The following RADIL variants were observed in gnomAD, a reference collection of about 807,000 sequenced individuals.
RADIL encodes Rap associating with DIL domain.
A neutral mutation model predicts 97.6 loss-of-function variants in RADIL; 99 were observed. That is an observed-to-expected ratio of 1.01 (90% CI 0.86 to 1.20). The LOEUF is 1.20. Ranked by LOEUF, RADIL falls within the 50% of genes most tolerant of loss-of-function variation. RADIL has a pLI of 0.00. For synonymous variants in RADIL, 803 were observed against 691.8 expected, an observed-to-expected ratio of 1.16 and a Z score of -2.52; for missense variants, 1,765 against 1,498.9, an observed-to-expected ratio of 1.18 and a Z score of -2.93.
chr7:4,826,162 T>C (rs1782970287), intron 5 of RADIL, among the ~76,000 whole-genome samples: 1 of 151,892 alleles, frequency 6.6e-6, no homozygotes, highest in Admixed American at 6.6e-5. Context: ...GAGCTCTGAC[T>C]GTACCACTGC....
chr7:4,865,186 A>G (rs1012586630), intron 2 of RADIL, among the ~76,000 whole-genome samples: 33 of 152,188 alleles, frequency 2.2e-4, no homozygotes, highest in African/African-American at 8.0e-4. Context: ...ACCTCTTGAG[A>G]GTGAATTTCC....
At chr7:4,836,627 G>C (rs947744989) in intron 2 of RADIL, 22 bp from the exon 3 acceptor site, 1 of 1,604,080 alleles carries the variant, frequency 6.2e-7, no homozygotes, top group African/African-American at 1.3e-5. Context: ...GCAACACAAG[G>C]TGAACAGTTA....
Position 4,878,103 on chromosome 7 carries a change from T to C in RADIL, c.37A>G (p.Thr13Ala). ...CTCTGCCGCTTCAGTTTGCTCTTGG[T>C]GGGCGGGGACATGATGAAGTGCGTC... Reference protein sequence around the residue: ...YGTHFIMSPPTKSKLKRQSQL... With the variant: ...YGTHFIMSPPAKSKLKRQSQL... The change falls in exon 2 of 15, where the codon ACC becomes GCC. Residue 13 changes from threonine to alanine, a missense_variant. By Grantham distance (58) the Thr-to-Ala change is moderately conservative. Transcript: ENST00000399583. The surrounding 1 kb of genome is among the most constrained non-coding windows in gnomAD (Gnocchi z 4.1). The C allele has an allele frequency of 6.3e-7, 1 of 1,584,666 alleles. No homozygotes were observed. Among genetic ancestry groups the C allele is most frequent in the Non-Finnish European group, 8.6e-7 (1 of 1,166,630 alleles).
At position 4,814,533 on chromosome 7, in the gene RADIL, G is replaced by C. The variant is rs143870564; in HGVS notation, c.2139+745C>G. 6.6e-6 allele frequency among the ~76,000 whole-genome samples: 1 copy of C among 152,070 alleles called. No homozygotes were observed. Among genetic ancestry groups the C allele is most frequent in the Non-Finnish European group, 1.5e-5 (1 of 68,000 alleles). The stretch of plus-strand genomic sequence containing the variant: ...TTAATTACCTGTGATGACTGTGTTG[G>C]GAAGGGGGGTGGTGAGTGGCTGACT... On this transcript the variant is annotated intron_variant, in intron 9 of 14. Coordinates refer to ENST00000399583, the MANE Select transcript of RADIL (RefSeq NM_018059.5). This position sits in a 1 kb window ranked among gnomAD's most constrained non-coding sequence, Gnocchi z 4.5.
Position 4,819,740 on chromosome 7 carries a change from C to T in RADIL, c.1616-2389G>A, listed in dbSNP as rs1467893002. 2.0e-5 allele frequency among the ~76,000 whole-genome samples: 3 copies of T among 152,218 alleles called. No homozygotes were observed. The highest frequency in any genetic ancestry group is 4.4e-5 in the Non-Finnish European group (3 of 68,040). ...TTCCTGCAGAGGGTCGGGAGGCTGA[C>T]GGGGCTCTGCCCCTCCGGCCCCTTC... is the stretch of plus-strand genomic sequence containing the variant. On this transcript the variant is annotated intron_variant, in intron 6 of 14. Coordinates refer to ENST00000399583, the MANE Select transcript of RADIL (RefSeq NM_018059.5). The surrounding 1 kb of genome is among the most constrained non-coding windows in gnomAD (Gnocchi z 5.8).
At chr7:4,874,080 C>G in intron 2 of RADIL, among the ~76,000 whole-genome samples, 1 of 152,242 alleles carries the variant, frequency 6.6e-6, no homozygotes, top group Non-Finnish European at 1.5e-5. Context: ...GCCTCCAAGC[C>G]AGCAGGAGAG....
intron 13 of RADIL, 31 bp downstream of exon 13, chr7:4,800,140 G>C (rs374506286): frequency 6.4e-6 from 10 of 1,562,190 alleles, no homozygotes; most frequent in Non-Finnish European, 8.7e-6. Flanking sequence ...CAGCCAGTAT[G>C]GGGGTGCGGC....
At chr7:4,851,111 A>C (rs181846174) in intron 2 of RADIL, among the ~76,000 whole-genome samples, 1 of 152,154 alleles carries the variant, frequency 6.6e-6, no homozygotes, top group East Asian at 1.9e-4. Context: ...AGGCTGAGGC[A>C]GGAGAATCAC....
chr7:4,814,792 G>C lies in RADIL; in HGVS notation c.2139+486C>G, dbSNP rs781249144. ...TTGCTGTCAGAATTCAGTTCCTGTG[G>C]TTGTAGGACTGGGGTCCCGTTTCCA... is the stretch of plus-strand genomic sequence containing the variant. On this transcript the variant is annotated intron_variant, in intron 9 of 14. Transcript: ENST00000399583. The surrounding 1 kb of genome is among the most constrained non-coding windows in gnomAD (Gnocchi z 4.5). Among the ~76,000 whole-genome samples, 19 of 152,202 alleles carry C rather than the reference G, an allele frequency of 1.2e-4. No individual in the cohort carries two copies. The highest frequency in any genetic ancestry group is 2.2e-4 in the Non-Finnish European group (15 of 68,044).
chr7:4,856,308 C>T (rs1783829215), intron 2 of RADIL, among the ~76,000 whole-genome samples: 1 of 152,062 alleles, frequency 6.6e-6, no homozygotes, highest in South Asian at 2.1e-4. Context: ...TGGGTTTTTG[C>T]CATGTTGCCC....
rs771314243 is a variant in RADIL, at chr7:4,816,401, C to T, written c.1793G>A (p.Ser598Asn). 14 of 1,609,362 alleles carry T rather than the reference C, an allele frequency of 8.7e-6. No individual in the cohort carries two copies. The highest frequency in any genetic ancestry group is 3.4e-5 in the Admixed American group (2 of 59,472). ...CPPFQTERRESWSSAPELPEE... is the reference protein window; with the variant it reads ...CPPFQTERRENWSSAPELPEE... ...GGGCAGTTCGGGGGCCGAGGACCAGCTCTCACGGCGCTCCGTCTGGAATGG... is the reference window on the plus strand; with the variant it reads ...GGGCAGTTCGGGGGCCGAGGACCAGTTCTCACGGCGCTCCGTCTGGAATGG... Residue 598 changes from serine (S) to asparagine (N), a missense_variant, in exon 8 of 15, where the codon AGC (serine) becomes AAC (asparagine). Ser to Asn is a conservative substitution (Grantham distance 46). Transcript: ENST00000399583.
At chr7:4,808,231 C>A (rs1284406534) in intron 9 of RADIL, among the ~76,000 whole-genome samples, 1 of 150,282 alleles carries the variant, frequency 6.7e-6, no homozygotes, top group East Asian at 2.0e-4. Context: ...CGCCCCCTCT[C>A]TCTCCCCGCT....
Position 4,815,218 on chromosome 7 carries a change from G to A in RADIL, c.2139+60C>T. The A allele has an allele frequency of 6.9e-7, 1 of 1,452,344 alleles. No homozygotes were observed. Among genetic ancestry groups the A allele is most frequent in the Non-Finnish European group, 9.1e-7 (1 of 1,096,868 alleles). The allele number at this position is 1,452,344 out of a possible 1,614,324, so 90.0% of individuals were successfully genotyped here. A position where few individuals can be genotyped will look rare whatever the true frequency, so the allele number is the denominator to read the frequency against. ...CCCCAGGCTTGGTTTGTGAGCCAGG[G>A]ACCCACAGCATGTGGCCCCGCCCCT... is the stretch of plus-strand genomic sequence containing the variant. On this transcript the variant is annotated intron_variant, in intron 9 of 14. Coordinates refer to ENST00000399583, the MANE Select transcript of RADIL (RefSeq NM_018059.5). This position sits in a 1 kb window ranked among gnomAD's most constrained non-coding sequence, Gnocchi z 8.0.
At chr7:4,868,840 A>G (rs1784189648) in intron 2 of RADIL, among the ~76,000 whole-genome samples, 1 of 152,194 alleles carries the variant, frequency 6.6e-6, no homozygotes, top group Admixed American at 6.5e-5. Flanking sequence ...CAAAACAAAA[A>G]AACAGGCTGG....
At chr7:4,863,144 C>T (rs1784059154) in intron 2 of RADIL, among the ~76,000 whole-genome samples, 1 of 152,120 alleles carries the variant, frequency 6.6e-6, no homozygotes, top group South Asian at 2.1e-4. Context: ...CAGATTACCT[C>T]CAAGTCCTCT....
At position 4,844,215 on chromosome 7, in the gene RADIL, G is replaced by A. The variant is rs548581293; in HGVS notation, c.536-7610C>T. Among the ~76,000 whole-genome samples, 16 of 152,262 alleles carry A rather than the reference G, an allele frequency of 1.1e-4. No homozygotes were observed. In the East Asian group the frequency reaches 3.1e-3, roughly 30 times the overall value. ...TAATCCCAGCACTTTGGAGGCCGAGGCAGGCAGATCACGAAGTCAAGAGAT... is the reference window on the plus strand; with the variant it reads ...TAATCCCAGCACTTTGGAGGCCGAGACAGGCAGATCACGAAGTCAAGAGAT... On this transcript the variant is annotated intron_variant, in intron 2 of 14. Coordinates refer to ENST00000399583, the MANE Select transcript of RADIL (RefSeq NM_018059.5).
At chr7:4,861,267 C>G (rs1562454645) in intron 2 of RADIL, 1 of 1,614,102 alleles carries the variant, frequency 6.2e-7, no homozygotes, top group Admixed American at 1.7e-5. Context: ...AAGTCCAAAT[C>G]TTCTGGAATA....
At chr7:4,827,097 G>A (rs1366720695) in intron 5 of RADIL, among the ~76,000 whole-genome samples, 1 of 152,196 alleles carries the variant, frequency 6.6e-6, no homozygotes, top group Non-Finnish European at 1.5e-5. Flanking sequence ...CAGGAGCGTG[G>A]CTCATGCCTG....
intron 10 of RADIL, chr7:4,804,099 A>C (rs1782211458): frequency 2.8e-6 from 1 of 351,518 alleles, no homozygotes; most frequent in African/African-American, 2.1e-5. Flanking sequence ...GAGCTCCCCC[A>C]GCCCGGCAGA....
Sources: gnomAD v4.1 joint callset for allele counts (sites outside exome capture counted in the v4.1 genomes callset) on GRCh38, gnomAD v4.1.1 for gene constraint, Gnocchi (gnomAD v3.1) non-coding constraint, MANE v1.5 for transcripts, NCBI Gene and HGNC (gene_info 2026-07-23, HGNC 2026-07-21) for gene names.